Variants in SRFBP1 observed in about 807,000 individuals in gnomAD.
SRFBP1 encodes the protein serum response factor binding protein 1, also known as serum response factor-binding protein 1.
SRFBP1 carries 47 observed loss-of-function variants against 45.5 expected under a neutral mutation model. The ratio of observed to expected loss-of-function variants is 1.03; its 90% CI spans 0.82 to 1.32. The LOEUF is 1.32. SRFBP1 is among the 40% of genes most tolerant of loss of function. SRFBP1 has a pLI of 0.00. For synonymous variants in SRFBP1, 203 were observed against 166.3 expected (o/e 1.22, Z -1.70); for missense variants, 621 against 484.6 (o/e 1.28, Z -2.64).
chr5:121,963,039 G>A (rs540368093), intron 1 of SRFBP1, among the ~76,000 whole-genome samples: 7 of 152,288 alleles, frequency 4.6e-5, no homozygotes, highest in Admixed American at 4.6e-4. Context: ...AAATGAAATG[G>A]GTGATACTTG....
chr5:122,070,349 C>A, intron 2 of SRFBP1: 1 of 649,438 alleles, frequency 1.5e-6, no homozygotes, highest in Non-Finnish European at 2.7e-6. Flanking sequence ...TAAAATAAGA[C>A]AGATTAGATT....
downstream of SRFBP1, among the ~76,000 whole-genome samples, chr5:122,029,724 C>T (rs114453554): frequency 4.6e-5 from 7 of 152,258 alleles, no homozygotes; most frequent in African/African-American, 7.2e-5. Flanking sequence ...CTGTCAGTTA[C>T]GGTTATCCTT....
intron 1 of SRFBP1, among the ~76,000 whole-genome samples, chr5:121,966,136 A>G (rs1752059081): frequency 6.6e-6 from 1 of 152,170 alleles, no homozygotes; most frequent in Non-Finnish European, 1.5e-5. Context: ...CTGCAAATAG[A>G]GACAGTTTGA....
At chr5:121,997,523 A>T (rs1752755861) in intron 4 of SRFBP1, among the ~76,000 whole-genome samples, 1 of 151,884 alleles carries the variant, frequency 6.6e-6, no homozygotes, top group Non-Finnish European at 1.5e-5. Context: ...TTCAAGATGG[A>T]TTAAAGATTT....
downstream of SRFBP1, among the ~76,000 whole-genome samples, chr5:122,033,136 T>C (rs1580537195): frequency 6.6e-6 from 1 of 150,884 alleles, no homozygotes; most frequent in Non-Finnish European, 1.5e-5. Context: ...TTTTGAATTT[T>C]TTTTTTTGCC....
At chr5:122,040,615 C>G (rs1402371373) in intron 2 of SRFBP1, among the ~76,000 whole-genome samples, 1 of 152,210 alleles carries the variant, frequency 6.6e-6, no homozygotes, top group East Asian at 1.9e-4. Context: ...TCACATACAC[C>G]AACAAACAAG....
At chr5:122,022,458 C>A (rs768502536) in intron 7 of SRFBP1, 51 bp downstream of exon 7, 1 of 1,514,004 alleles carries the variant, frequency 6.6e-7, no homozygotes, top group Non-Finnish European at 9.0e-7. Context: ...CTATGTTTTA[C>A]CAGAGTAAAA....
intron 4 of SRFBP1, among the ~76,000 whole-genome samples, chr5:122,013,393 A>C (rs1753134239): frequency 6.6e-6 from 1 of 152,162 alleles, no homozygotes; most frequent in Non-Finnish European, 1.5e-5. Context: ...TACGGTACAA[A>C]GTAGATACAG....
Position 122,014,866 on chromosome 5 carries a change from C to G in SRFBP1, c.271-4394C>G, listed in dbSNP as rs565050956. On this transcript the variant is annotated intron_variant, in intron 4 of 7. Coordinates refer to ENST00000339397, the MANE Select transcript of SRFBP1 (RefSeq NM_152546.3). ...TATAGCTAACTCTGGAAAGAAATAC[C>G]CAGTTCAGCAAAGATTTTAGCAAGT... Among the ~76,000 whole-genome samples the G allele has an allele frequency of 1.4e-4, 22 of 152,136 alleles. No homozygotes were observed. The South Asian group carries it at 4.4e-3, about 30-fold the overall frequency.
At chr5:121,999,302 T>G (rs942627935) in intron 4 of SRFBP1, among the ~76,000 whole-genome samples, 1 of 152,160 alleles carries the variant, frequency 6.6e-6, no homozygotes, top group Admixed American at 6.5e-5. Flanking sequence ...GCAATTTTTT[T>G]TATTTAATTC....
In SRFBP1 at chr5:122,019,928, G is replaced by A. The variant is rs559068138; in HGVS notation, c.353-160G>A. 5.7e-4 allele frequency among the ~76,000 whole-genome samples: 86 copies of A among 152,130 alleles called. 3 individuals carry two copies. The highest frequency in any genetic ancestry group is 5.6e-3 in the Admixed American group (86 of 15,262). On this transcript the variant is annotated intron_variant, in intron 5 of 7. Transcript: ENST00000339397. ...TCTTATGTTTGGTTTTTAAGAAGTCGAAAGATTTCTTTGTGAATTCAGACC... is the reference window on the plus strand; with the variant it reads ...TCTTATGTTTGGTTTTTAAGAAGTCAAAAGATTTCTTTGTGAATTCAGACC...
chr5:122,008,336 C>T (rs1366675681), intron 4 of SRFBP1, among the ~76,000 whole-genome samples: 2 of 152,008 alleles, frequency 1.3e-5, no homozygotes, highest in Non-Finnish European at 2.9e-5. Context: ...CTAGGGTGGG[C>T]CTGGAGTCTC....
rs115953556 is a variant in SRFBP1, at chr5:121,987,345, G to A, written c.199-7254G>A. On this transcript the variant is annotated intron_variant, in intron 3 of 7. Coordinates refer to ENST00000339397, the MANE Select transcript of SRFBP1 (RefSeq NM_152546.3). Reference sequence around the variant, plus strand: ...TATAGAGAACACAGGAATAGGTGTAGGAAGAAGATCTGATATTTTATTTGG... The same window carrying A: ...TATAGAGAACACAGGAATAGGTGTAAGAAGAAGATCTGATATTTTATTTGG... Among the ~76,000 whole-genome samples, 450 of 152,210 alleles carry A rather than the reference G, an allele frequency of 3.0e-3. 2 individuals carry two copies. The highest frequency in any genetic ancestry group is 0.01 in the African/African-American group (424 of 41,528).
At chr5:122,019,514 C>A (rs966072892) in intron 5 of SRFBP1, among the ~76,000 whole-genome samples, 173 bp downstream of exon 5, 1 of 151,624 alleles carries the variant, frequency 6.6e-6, no homozygotes, top group Non-Finnish European at 1.5e-5. Flanking sequence ...TGAAGAAAAA[C>A]CAAATCTGTA....
chr5:121,996,040 G>A (rs1028376740), intron 4 of SRFBP1, among the ~76,000 whole-genome samples: 12 of 151,442 alleles, frequency 7.9e-5, no homozygotes, highest in Non-Finnish European at 1.5e-4. Flanking sequence ...CAACCAAAAA[G>A]AGTCCAGGAC....
At chr5:122,045,155 AC>A (rs1753835328) in intron 2 of SRFBP1, among the ~76,000 whole-genome samples, 1 of 152,168 alleles carries the variant, frequency 6.6e-6, no homozygotes, top group South Asian at 2.1e-4. Flanking sequence ...TTTGTCAAAG[AC>A]AAGATGGTTG....
chr5:122,070,278 T>A, intron 2 of SRFBP1: 1 of 718,002 alleles, frequency 1.4e-6, no homozygotes, highest in Non-Finnish European at 2.5e-6. Flanking sequence ...TTAACTTAAG[T>A]AAGTGGTTAA....
At chr5:122,002,583 G>A (rs982472794) in intron 4 of SRFBP1, among the ~76,000 whole-genome samples, 2 of 152,136 alleles carry the variant, frequency 1.3e-5, no homozygotes, top group South Asian at 2.1e-4. Flanking sequence ...CCTCTCCATC[G>A]TTCCTAAGGA....
intron 2 of SRFBP1, among the ~76,000 whole-genome samples, chr5:122,052,430 G>A (rs1010722737): frequency 2.0e-5 from 3 of 152,104 alleles, no homozygotes; most frequent in African/African-American, 7.2e-5. Context: ...ATTTCTTGGA[G>A]GTTTTGCTTT....
Sources: gnomAD v4.1 joint callset for allele counts (sites outside exome capture counted in the v4.1 genomes callset) on GRCh38, gnomAD v4.1.1 for gene constraint, MANE v1.5 for transcripts, NCBI Gene and HGNC (gene_info 2026-07-23, HGNC 2026-07-21) for gene names.